PDE10A: variants seen among roughly 807,000 people sequenced by gnomAD.
The protein encoded by PDE10A is cAMP and cAMP-inhibited cGMP 3',5'-cyclic phosphodiesterase 10A.
In PDE10A, 39 loss-of-function variants were observed where a neutral mutation model predicts 97.7. The ratio of observed to expected loss-of-function variants is 0.40; its 90% CI spans 0.31 to 0.52. The LOEUF (loss-of-function observed/expected upper bound fraction) is 0.52. PDE10A is among the 20% of genes least tolerant of loss of function. PDE10A has a pLI of 0.56. For synonymous variants in PDE10A, 371 were observed against 376.8 expected (o/e 0.98, Z 0.18); for missense variants, 731 against 1,047.8 (o/e 0.70, Z 4.17).
intron 1 of PDE10A, among the ~76,000 whole-genome samples, chr6:165,977,393 G>T (rs886738946): frequency 5.3e-5 from 8 of 152,172 alleles, no homozygotes; most frequent in African/African-American, 1.9e-4. Context: ...ATAACTTGGT[G>T]ATGGTCCATC....
At chr6:165,726,864 G>T (rs10946098) in intron 1 of PDE10A, among the ~76,000 whole-genome samples, 2 of 152,056 alleles carry the variant, frequency 1.3e-5, no homozygotes, top group African/African-American at 4.8e-5. Flanking sequence ...CTTTGGGAAA[G>T]GTCTCCACTT....
At chr6:165,433,941 C>T (rs1044665467) in intron 6 of PDE10A, among the ~76,000 whole-genome samples, 8 of 140,476 alleles carry the variant, frequency 5.7e-5, no homozygotes, top group South Asian at 2.3e-4. Flanking sequence ...GGCGTGAACC[C>T]GGGAGGCGGA....
intron 1 of PDE10A, chr6:165,939,615 T>C (rs146600018): frequency 1.1e-4 from 16 of 152,378 alleles, no homozygotes; most frequent in African/African-American, 3.4e-4. Flanking sequence ...TGGGTTCTTC[T>C]GGCATTTTTA....
chr6:165,368,005 T>A (rs1466267833), intron 18 of PDE10A, among the ~76,000 whole-genome samples: 1 of 152,196 alleles, frequency 6.6e-6, no homozygotes, highest in Non-Finnish European at 1.5e-5. Flanking sequence ...ATTCTTTTCT[T>A]GTTTTTTTGA....
intron 2 of PDE10A, among the ~76,000 whole-genome samples, chr6:165,498,180 G>C (rs182495742): frequency 6.6e-6 from 1 of 151,976 alleles, no homozygotes; most frequent in Non-Finnish European, 1.5e-5. Flanking sequence ...GGGAGCTAGG[G>C]TGGGAGGATA....
At chr6:165,380,490 T>C (rs1247681257) in intron 17 of PDE10A, among the ~76,000 whole-genome samples, 2 of 152,242 alleles carry the variant, frequency 1.3e-5, no homozygotes, top group African/African-American at 4.8e-5. Context: ...TTTGAATTAT[T>C]GTATGATAAA....
At chr6:165,498,940 T>C (rs1005500315) in intron 2 of PDE10A, among the ~76,000 whole-genome samples, 1 of 152,218 alleles carries the variant, frequency 6.6e-6, no homozygotes, top group African/African-American at 2.4e-5. Context: ...ATGTAGTAGT[T>C]TCACATTCAT....
At chr6:165,334,909 A>G (rs1781559013) in intron 21 of PDE10A, among the ~76,000 whole-genome samples, 1 of 152,168 alleles carries the variant, frequency 6.6e-6, no homozygotes, top group Non-Finnish European at 1.5e-5. Context: ...ACAGCAGAAG[A>G]TAAGAGTATA....
chr6:165,606,264 AAG>A (rs1244288766), intron 1 of PDE10A, among the ~76,000 whole-genome samples: 90 of 152,280 alleles, frequency 5.9e-4, no homozygotes, highest in African/African-American at 2.1e-3. Flanking sequence ...AGAAGCTCAT[AAG>A]AGGGGCATGT....
chr6:165,731,754 T>TAACTAAG (rs1163909197), intron 1 of PDE10A, among the ~76,000 whole-genome samples: 3 of 152,176 alleles, frequency 2.0e-5, no homozygotes, highest in African/African-American at 7.2e-5. Context: ...TAGTGAGTGC[T>TAACTAAG]CCAGAAGAGT....
At chr6:165,544,847 A>C (rs1783657071) in intron 1 of PDE10A, among the ~76,000 whole-genome samples, 1 of 151,974 alleles carries the variant, frequency 6.6e-6, no homozygotes, top group Admixed American at 6.6e-5. Flanking sequence ...ACACATATAC[A>C]CACACAAATA....
In PDE10A at chr6:165,661,756, G is replaced by C. The variant is rs1367524776; in HGVS notation, c.865+191C>G. Among the ~76,000 whole-genome samples the C allele has an allele frequency of 2.0e-5, 3 of 152,010 alleles. No individual in the cohort carries two copies. Among genetic ancestry groups the C allele is most frequent in the Non-Finnish European group, 4.4e-5 (3 of 67,960 alleles). ...CTGGGAAACCCCGGCGTCCCTGCGC[G>C]GCCGAACGCTCCCGCGCTCCGCCAG... On this transcript the variant is annotated intron_variant, in intron 1 of 21. Coordinates refer to ENST00000539869, the MANE Select transcript of PDE10A (RefSeq NM_001385079.1). The surrounding 1 kb of genome is among the most constrained non-coding windows in gnomAD (Gnocchi z 4.8).
chr6:165,471,701 T>G (rs1040830401), intron 3 of PDE10A, among the ~76,000 whole-genome samples: 6 of 152,100 alleles, frequency 3.9e-5, no homozygotes, highest in Non-Finnish European at 7.4e-5. Context: ...AATCAATAAT[T>G]CTTGTTAGCC....
At chr6:165,635,961 A>G (rs144375383) in intron 1 of PDE10A, among the ~76,000 whole-genome samples, 48 of 152,386 alleles carry the variant, frequency 3.1e-4, no homozygotes, top group East Asian at 5.8e-4. Context: ...CATTTAAAAT[A>G]ACTGCAAATA....
intron 1 of PDE10A, among the ~76,000 whole-genome samples, chr6:165,564,007 C>T (rs1010876527): frequency 6.6e-6 from 1 of 152,182 alleles, no homozygotes; most frequent in East Asian, 1.9e-4. Flanking sequence ...TCCCACTGAT[C>T]ATAGTATTCA....
intron 1 of PDE10A, among the ~76,000 whole-genome samples, chr6:165,806,341 CCAT>C (rs1224662511): frequency 6.6e-6 from 1 of 152,206 alleles, no homozygotes; most frequent in African/African-American, 2.4e-5. Flanking sequence ...TCCGCGTTCT[CCAT>C]CATGTAGGGC....
chr6:165,971,602 A>G (rs1380459059), intron 1 of PDE10A, among the ~76,000 whole-genome samples: 2 of 152,230 alleles, frequency 1.3e-5, no homozygotes, highest in African/African-American at 2.4e-5. Flanking sequence ...GTGCCTTGCC[A>G]ATTAAGAACC....
In PDE10A at chr6:165,878,086, C is replaced by G. The variant is rs1211248777; in HGVS notation, c.-615+109443G>C. On this transcript the variant is annotated intron_variant, in intron 1 of 19. Transcript: ENST00000366882. Reference sequence around the variant, plus strand: ...TACCACTTCATTTAAAGATACTTAGCAGAAACAAAAGTCCACCTTGAATTC... The same window carrying G: ...TACCACTTCATTTAAAGATACTTAGGAGAAACAAAAGTCCACCTTGAATTC... 4.6e-5 allele frequency among the ~76,000 whole-genome samples: 7 copies of G among 152,118 alleles called. 1 individual carries two copies. Among genetic ancestry groups the G allele is most frequent in the Admixed American group, 3.9e-4 (6 of 15,270 alleles).
At chr6:165,390,791 A>G (rs1331951899) in intron 16 of PDE10A, among the ~76,000 whole-genome samples, 6 of 152,190 alleles carry the variant, frequency 3.9e-5, no homozygotes, top group Non-Finnish European at 8.8e-5. Flanking sequence ...TTGTCCTGAT[A>G]ATGCTGAACT....
Sources: allele counts gnomAD v4.1 joint callset (sites outside exome capture counted in the v4.1 genomes callset), GRCh38; gene constraint gnomAD v4.1.1; non-coding constraint Gnocchi (gnomAD v3.1); transcripts MANE v1.5; gene names NCBI Gene and HGNC (gene_info 2026-07-23, HGNC 2026-07-21).